Variants in VRK2 observed in about 807,000 individuals in gnomAD.
VRK2 encodes the protein serine/threonine-protein kinase VRK2.
In VRK2, 60 loss-of-function variants were observed where a neutral mutation model predicts 57.6. The ratio of observed to expected loss-of-function variants is 1.04; its 90% CI spans 0.85 to 1.29. The LOEUF is 1.29. Among genes scored for constraint, VRK2 ranks in the 50% most tolerant of loss-of-function variants. The pLI, the probability that VRK2 is intolerant of heterozygous loss-of-function variation, is 0.00. For synonymous variants in VRK2, 231 were observed against 199.2 expected (o/e 1.16, Z -1.35); for missense variants, 705 against 588.1 (o/e 1.20, Z -2.06).
chr2:58,082,651 G>A (rs1220413259), intron 2 of VRK2, among the ~76,000 whole-genome samples: 1 of 151,834 alleles, frequency 6.6e-6, no homozygotes, highest in African/African-American at 2.4e-5. Context: ...AAGTAGATCT[G>A]GCTAATCCAC....
upstream of VRK2, chr2:58,046,599 C>G: frequency 1.0e-6 from 1 of 985,590 alleles, no homozygotes; most frequent in Non-Finnish European, 1.2e-6. Context: ...CTCCCATTCC[C>G]CATGTAGCCG....
At chr2:58,058,059 A>C (rs1302034200) in intron 2 of VRK2, among the ~76,000 whole-genome samples, 1 of 152,140 alleles carries the variant, frequency 6.6e-6, no homozygotes, top group Non-Finnish European at 1.5e-5. Context: ...TATGAGAGGC[A>C]GTATTATTGA....
At chr2:58,045,846 T>G (rs1356784874), upstream of VRK2, among the ~76,000 whole-genome samples, 1 of 152,202 alleles carries the variant, frequency 6.6e-6, no homozygotes, top group East Asian at 1.9e-4. Flanking sequence ...TATGAGTCTT[T>G]TTTTTCTTTC....
At chr2:58,119,476 CAAAA>C (rs35693605) in intron 7 of VRK2, among the ~76,000 whole-genome samples, 2 of 87,314 alleles carry the variant, frequency 2.3e-5, no homozygotes, top group Non-Finnish European at 2.1e-5. Flanking sequence ...GACTCCATCT[CAAAA>C]AAAAAAAAAA....
intron 7 of VRK2, among the ~76,000 whole-genome samples, chr2:58,115,714 T>G (rs1431472900): frequency 6.6e-6 from 1 of 152,038 alleles, no homozygotes; most frequent in African/African-American, 2.4e-5. Context: ...TTTATGAGAA[T>G]TATGCCAAGA....
At chr2:57,914,052 C>T (rs1377475655) in intron 1 of VRK2, among the ~76,000 whole-genome samples, 2 of 151,866 alleles carry the variant, frequency 1.3e-5, no homozygotes, top group Non-Finnish European at 2.9e-5. Flanking sequence ...ACTTTTCAAA[C>T]AAAAAATTTA....
intron 7 of VRK2, among the ~76,000 whole-genome samples, chr2:58,115,034 C>CT (rs1431453994): frequency 1.3e-5 from 2 of 152,054 alleles, no homozygotes; most frequent in African/African-American, 4.8e-5. Context: ...AGATGGAACA[C>CT]TGAGAAGTTA....
At chr2:58,111,572 T>A (rs1675573383) in intron 7 of VRK2, among the ~76,000 whole-genome samples, 1 of 152,062 alleles carries the variant, frequency 6.6e-6, no homozygotes, top group African/African-American at 2.4e-5. Context: ...GGCAAAAAAG[T>A]GAGACCCCAT....
At chr2:58,058,199 AT>A (rs1188884460) in intron 2 of VRK2, among the ~76,000 whole-genome samples, 6 of 151,924 alleles carry the variant, frequency 3.9e-5, no homozygotes, top group African/African-American at 7.3e-5. Flanking sequence ...TCATGAATTA[AT>A]TTTTTTTCAA....
chr2:58,134,349 C>T lies in VRK2; in HGVS notation c.798-792C>T, dbSNP rs181108893. ...ATATGGGGCCGGGCGCGGTGGCTCA[C>T]GCCTGTAATCCCAGCACTTTGGGAG... On this transcript the variant is annotated intron_variant, in intron 9 of 12. Coordinates refer to ENST00000340157, the MANE Select transcript of VRK2 (RefSeq NM_006296.7). Among the ~76,000 whole-genome samples, 442 of 152,224 alleles carry T rather than the reference C, an allele frequency of 2.9e-3. 1 individual carries two copies. The highest frequency in any genetic ancestry group is 5.6e-3 in the Admixed American group (86 of 15,288).
rs971589098 is a variant in VRK2, at chr2:58,159,250, T to G, written c.1183-99T>G. 2.7e-5 allele frequency: 25 copies of G among 912,508 alleles called. No individual in the cohort carries two copies. The highest frequency in any genetic ancestry group is 3.8e-5 in the Non-Finnish European group (23 of 613,072). 56.5% of individuals were successfully genotyped at this position (912,508 alleles called of 1,614,324 possible). A position where few individuals can be genotyped will look rare whatever the true frequency, so the allele number is the denominator to read the frequency against. Reference sequence around the variant, plus strand: ...AAAATAACACGCAAAAACTTGATCTTGTATAACATTTTATTTAGCATTCTT... The same window carrying G: ...AAAATAACACGCAAAAACTTGATCTGGTATAACATTTTATTTAGCATTCTT... On this transcript the variant is annotated intron_variant, in intron 12 of 12. Coordinates refer to ENST00000340157, the MANE Select transcript of VRK2 (RefSeq NM_006296.7).
intron 1 of VRK2, among the ~76,000 whole-genome samples, chr2:58,010,963 A>C (rs1020105409): frequency 3.9e-5 from 6 of 152,168 alleles, no homozygotes; most frequent in African/African-American, 1.2e-4. Flanking sequence ...TTTTAGTACA[A>C]CTGTGACTCT....
chr2:57,912,530 G>C (rs1404529102), intron 1 of VRK2, among the ~76,000 whole-genome samples: 1 of 152,096 alleles, frequency 6.6e-6, no homozygotes, highest in African/African-American at 2.4e-5. Context: ...CATAAGCTCA[G>C]AGGCAAAACC....
At chr2:58,095,089 A>T (rs1417586865) in intron 7 of VRK2, among the ~76,000 whole-genome samples, 6 of 152,058 alleles carry the variant, frequency 3.9e-5, no homozygotes, top group South Asian at 4.1e-4. Context: ...AGGTCAGGAG[A>T]TAGAGACCAT....
chr2:58,039,234 T>C (rs976658740), intron 3 of VRK2, among the ~76,000 whole-genome samples: 1 of 152,166 alleles, frequency 6.6e-6, no homozygotes, highest in Non-Finnish European at 1.5e-5. Flanking sequence ...GAAACAACTC[T>C]CCTGCAGCCA....
At chr2:58,129,188 T>C (rs1395228422) in intron 8 of VRK2, among the ~76,000 whole-genome samples, 1 of 152,152 alleles carries the variant, frequency 6.6e-6, no homozygotes, top group Non-Finnish European at 1.5e-5. Flanking sequence ...AACACTTCAT[T>C]TTAGGACATC....
At position 58,122,959 on chromosome 2, in the gene VRK2, A is replaced by G. The variant is rs1677745599; in HGVS notation, c.544-142A>G. 5.7e-6 allele frequency: 6 copies of G among 1,045,416 alleles called. No individual in the cohort carries two copies. The South Asian group carries it at 1.5e-4, about 25-fold the overall frequency. The allele number at this position is 1,045,416 out of a possible 1,614,324, so 64.8% of individuals were successfully genotyped here. On this transcript the variant is annotated intron_variant, in intron 7 of 12. Transcript: ENST00000340157. ...GTTGTTATGGCCCCCAGTTGTACAT[A>G]TTTTATCCTAAGGCACCATTTGGTT...
At chr2:57,933,817 C>T (rs939431872) in intron 1 of VRK2, among the ~76,000 whole-genome samples, 5 of 152,026 alleles carry the variant, frequency 3.3e-5, no homozygotes, top group African/African-American at 9.7e-5. Context: ...CTTTCTTTTC[C>T]TCTCGCTGTC....
chr2:58,022,858 G>A (rs1403503200), intron 1 of VRK2, among the ~76,000 whole-genome samples: 1 of 152,116 alleles, frequency 6.6e-6, no homozygotes, highest in East Asian at 1.9e-4. Flanking sequence ...CTGGGCAACA[G>A]AGCAAGACCC....
Sources: allele counts gnomAD v4.1 joint callset (sites outside exome capture counted in the v4.1 genomes callset), GRCh38; gene constraint gnomAD v4.1.1; transcripts MANE v1.5; gene names NCBI Gene and HGNC (gene_info 2026-07-23, HGNC 2026-07-21).